SNAPC4: variants seen among roughly 807,000 people sequenced by gnomAD.
The protein encoded by SNAPC4 is small nuclear RNA activating complex polypeptide 4, also known as snRNA-activating protein complex subunit 4.
SNAPC4 carries 127 observed loss-of-function variants against 151.3 expected under a neutral mutation model. The ratio of observed to expected loss-of-function variants is 0.84; its 90% CI spans 0.73 to 0.97. The LOEUF (loss-of-function observed/expected upper bound fraction) is 0.97. Ranked by LOEUF, SNAPC4 falls within the 50% of genes least tolerant of loss-of-function variation. The pLI, the probability that SNAPC4 is intolerant of heterozygous loss-of-function variation, is 0.00. For synonymous variants in SNAPC4, 1,002 were observed against 824.4 expected, an observed-to-expected ratio of 1.22 and a Z score of -3.69; for missense variants, 2,186 against 1,935.0, an observed-to-expected ratio of 1.13 and a Z score of -2.43.
intron 22 of SNAPC4, 47 bp downstream of exon 22, chr9:136,377,496 G>A: frequency 1.3e-6 from 2 of 1,496,212 alleles, no homozygotes; most frequent in Non-Finnish European, 1.8e-6. Flanking sequence ...GGGCACCCCA[G>A]GGACCGCCGC....
chr9:136,389,544 C>CG (rs144724539), intron 10 of SNAPC4, among the ~76,000 whole-genome samples: 10,117 of 152,186 alleles, frequency 0.066, 418 homozygotes, highest in Middle Eastern at 0.11. Flanking sequence ...ACCACCACCC[C>CG]GGGGTGTGCA....
At position 136,379,856 on chromosome 9, in the gene SNAPC4, TGAG is replaced by T; in HGVS notation, c.2505_2507del (p.Ser837del). On this transcript the variant is annotated inframe_deletion, in exon 21 of 24. Transcript: ENST00000684778. ...AGTTACCTGGGGTGCTCTGGGCACT[TGAG>T]GATGCCTGGAAATGAAAGAGAGGAG... 1 of 1,613,120 alleles carries T rather than the reference TGAG, an allele frequency of 6.2e-7. No homozygotes were observed. Among genetic ancestry groups the T allele is most frequent in the East Asian group, 2.2e-5 (1 of 44,858 alleles).
Position 136,383,341 on chromosome 9 carries a change from C to T in SNAPC4, c.1828G>A (p.Gly610Ser), listed in dbSNP as rs201030657. The T allele has an allele frequency of 2.2e-4, 355 of 1,609,740 alleles. 2 individuals are homozygous for T. In the East Asian group the frequency reaches 4.4e-3, roughly 20 times the overall value. ...PPKGSSASQG[G>S]SKEASTTAAA... ...GCTGTGGTGGAAGCTTCCTTGCTGC[C>T]GCCCTGGCTGGCACTGGACCCCTTG... The change falls in exon 16 of 24, where the codon GGC (glycine) becomes AGC (serine). Residue 610 changes from glycine (G) to serine (S), a missense_variant. Coordinates refer to ENST00000684778, the MANE Select transcript of SNAPC4 (RefSeq NM_003086.4). The surrounding 1 kb of genome is among the most constrained non-coding windows in gnomAD (Gnocchi z 4.2).
Position 136,394,209 on chromosome 9 carries a change from C to T in SNAPC4, c.632+40G>A, listed in dbSNP as rs748371196. The T allele has an allele frequency of 3.3e-6, 5 of 1,526,772 alleles. No individual in the cohort carries two copies. The African/African-American group carries it at 6.8e-5, about 21-fold the overall frequency. The allele number at this position is 1,526,772 out of a possible 1,614,324, so 94.6% of individuals were successfully genotyped here. A position where few individuals can be genotyped will look rare whatever the true frequency, so the allele number is the denominator to read the frequency against. ...GGATTCCAGGCATGAGCCCTATGCC[C>T]AGCCTGAAGACCGTTTTTGACTTAT... On this transcript the variant is annotated intron_variant, in intron 7 of 23. Coordinates refer to ENST00000684778, the MANE Select transcript of SNAPC4 (RefSeq NM_003086.4).
chr9:136,387,082 G>A (rs936704008), intron 13 of SNAPC4, among the ~76,000 whole-genome samples: 2 of 152,392 alleles, frequency 1.3e-5, no homozygotes, highest in Admixed American at 1.3e-4. Context: ...ATCGCATGGT[G>A]TGTGAATTAT....
rs554164020 is a variant in SNAPC4 at position 136,392,627 on chromosome 9, C to T, written c.738-33G>A. ...AAGGGATGAGGGTATTGGCACCACGCCTGGCTTGTGGGCTCCCCTGGGCCC... is the reference window on the plus strand; with the variant it reads ...AAGGGATGAGGGTATTGGCACCACGTCTGGCTTGTGGGCTCCCCTGGGCCC... On this transcript the variant is annotated intron_variant, in intron 8 of 23. Transcript: ENST00000684778. 3.7e-5 allele frequency: 60 copies of T among 1,613,684 alleles called. 1 individual carries two copies. The South Asian group carries it at 5.9e-4, about 16-fold the overall frequency.
At position 136,377,633 on chromosome 9, in the gene SNAPC4, A is replaced by G. The variant is rs1370090927; in HGVS notation, c.4194T>C (p.Ser1398=). The G allele has an allele frequency of 6.3e-7, 1 of 1,582,256 alleles. No homozygotes were observed. The highest frequency in any genetic ancestry group is 1.7e-4 in the Middle Eastern group (1 of 5,902). The part of the protein sequence containing the change: ...TTLSVPSRVG[S]ESEDEDLLSE... ...TCAGGAGGTCTTCATCCTCACTCTC[A>G]GAGCCCACCCTCGAAGGTACTGAGA... is the stretch of plus-strand genomic sequence containing the variant. The change falls in exon 22 of 24, where the codon TCT becomes TCC. Residue 1398 remains serine, a synonymous_variant. Transcript: ENST00000684778.
chr9:136,383,061 G>A lies in SNAPC4; in HGVS notation c.1983+125C>T. The A allele has an allele frequency of 2.9e-6, 4 of 1,400,200 alleles. No homozygotes were observed. Among genetic ancestry groups the A allele is most frequent in the Non-Finnish European group, 3.7e-6 (4 of 1,070,026 alleles). 86.7% of individuals were successfully genotyped at this position (1,400,200 alleles called of 1,614,324 possible). A position where few individuals can be genotyped will look rare whatever the true frequency, so the allele number is the denominator to read the frequency against. On this transcript the variant is annotated intron_variant, in intron 16 of 23. Coordinates refer to ENST00000684778, the MANE Select transcript of SNAPC4 (RefSeq NM_003086.4). The surrounding 1 kb of genome is among the most constrained non-coding windows in gnomAD (Gnocchi z 4.2). ...CGCACAGCTGTCCAGAGCTCAGCCA[G>A]AAGTAGCACGTTCTGATGCACACGA...
In SNAPC4 at chr9:136,383,063, A is replaced by T. The variant is rs1833755953; in HGVS notation, c.1983+123T>A. On this transcript the variant is annotated intron_variant, in intron 16 of 23. Transcript: ENST00000684778. The surrounding 1 kb of genome is among the most constrained non-coding windows in gnomAD (Gnocchi z 4.2). The stretch of plus-strand genomic sequence containing the variant: ...CACAGCTGTCCAGAGCTCAGCCAGA[A>T]GTAGCACGTTCTGATGCACACGAAC... 7.1e-7 allele frequency: 1 copy of T among 1,404,188 alleles called. No individual in the cohort carries two copies. The highest frequency in any genetic ancestry group is 9.3e-7 in the Non-Finnish European group (1 of 1,073,488). The allele number at this position is 1,404,188 out of a possible 1,614,324, so 87.0% of individuals were successfully genotyped here. A position where few individuals can be genotyped will look rare whatever the true frequency, so the allele number is the denominator to read the frequency against.
At position 136,392,746 on chromosome 9, in the gene SNAPC4, C is replaced by T; in HGVS notation, c.664G>A (p.Val222Ile). The change falls in exon 8 of 24, where the codon GTC becomes ATC. Residue 222 changes from valine to isoleucine, a missense_variant. Val to Ile is a conservative substitution (Grantham distance 29). Transcript: ENST00000684778. ...LEYLHQKQSK[V>I]SSELERQALE... is the part of the protein sequence containing the mutation. The stretch of plus-strand genomic sequence containing the variant: ...GCTTGCCTCTCCAGCTCACTGGAGA[C>T]TTTGCTCTGCTTCTGGTGCAAGTAC... 2 of 1,613,610 alleles carry T rather than the reference C, an allele frequency of 1.2e-6. No homozygotes were observed. The highest frequency in any genetic ancestry group is 8.5e-7 in the Non-Finnish European group (1 of 1,180,020).
In SNAPC4 at chr9:136,378,175, G is replaced by GC. The variant is rs1833536366; in HGVS notation, c.3651dup (p.Pro1218AlafsTer31). On this transcript the variant is annotated frameshift_variant, in exon 22 of 24. Transcript: ENST00000684778. LOFTEE classifies it high-confidence loss of function. ...GAGGGGGACCCCGGCGTCCCCCTTG[G>GC]CTCAGTTGCTGGGATGACACCACCG... 6.2e-7 allele frequency: 1 copy of GC among 1,611,674 alleles called. No homozygotes were observed. Among genetic ancestry groups the GC allele is most frequent in the African/African-American group, 1.3e-5 (1 of 74,930 alleles).
At chr9:136,392,378 A>C in intron 9 of SNAPC4, 144 bp downstream of exon 9, 1 of 876,182 alleles carries the variant, frequency 1.1e-6, no homozygotes, top group Non-Finnish European at 1.9e-6. Context: ...ACTGTGGGAC[A>C]TGTGCTTGAC....
chr9:136,380,473 C>G (rs1375650937), intron 20 of SNAPC4, among the ~76,000 whole-genome samples: 1 of 152,224 alleles, frequency 6.6e-6, no homozygotes, highest in South Asian at 2.1e-4. Flanking sequence ...AACCAGGCAT[C>G]CCCGGCAGAC....
Position 136,392,755 on chromosome 9 carries a change from G to A in SNAPC4, c.655C>T (p.Gln219Ter). Reference protein sequence around the residue: ...LLKLEYLHQKQSKVSSELERQ... With the variant: ...LLKLEYLHQK ...TCCAGCTCACTGGAGACTTTGCTCT[G>A]CTTCTGGTGCAAGTACTCGAGCCTG... The change falls in exon 8 of 24, where the codon CAG becomes TAG. Residue 219 changes from glutamine (Q) to a stop codon, truncating the protein, a stop_gained. Coordinates refer to ENST00000684778, the MANE Select transcript of SNAPC4 (RefSeq NM_003086.4). LOFTEE classifies it high-confidence loss of function. 1 of 1,613,510 alleles carries A rather than the reference G, an allele frequency of 6.2e-7. No individual in the cohort carries two copies. The highest frequency in any genetic ancestry group is 8.5e-7 in the Non-Finnish European group (1 of 1,180,004).
chr9:136,383,323 T>G lies in SNAPC4; in HGVS notation c.1846A>C (p.Thr616Pro), dbSNP rs1209841932. 1 of 1,611,472 alleles carries G rather than the reference T, an allele frequency of 6.2e-7. No homozygotes were observed. The highest frequency in any genetic ancestry group is 8.5e-7 in the Non-Finnish European group (1 of 1,179,454). The change falls in exon 16 of 24, where the codon ACC (threonine) becomes CCC (proline). Residue 616 changes from threonine to proline, a missense_variant. By Grantham distance (38) the Thr-to-Pro change is conservative (BLOSUM62 -1). Transcript: ENST00000684778. The surrounding 1 kb of genome is among the most constrained non-coding windows in gnomAD (Gnocchi z 4.2). The stretch of plus-strand genomic sequence containing the variant: ...TCCTCTCCAGGAGCCGCGGCTGTGG[T>G]GGAAGCTTCCTTGCTGCCGCCCTGG... ...ASQGGSKEASTTAAAPGEETS... is the reference protein window; with the variant it reads ...ASQGGSKEASPTAAAPGEETS...
chr9:136,387,404 G>T, intron 13 of SNAPC4, 81 bp downstream of exon 13: 1 of 973,010 alleles, frequency 1.0e-6, no homozygotes, highest in Non-Finnish European at 1.6e-6. Context: ...CTGTCCCCCA[G>T]CCCGCCCACA....
intron 3 of SNAPC4, 138 bp downstream of exon 3, chr9:136,396,839 T>C (rs1217521154): frequency 4.0e-6 from 3 of 753,120 alleles, no homozygotes; most frequent in South Asian, 1.5e-5. Context: ...TGCTTTTTAA[T>C]TTTTTTATAA....
At position 136,387,735 on chromosome 9, in the gene SNAPC4, C is replaced by A. The variant is rs1833937896; in HGVS notation, c.1230+7G>T. 1.3e-6 allele frequency: 2 copies of A among 1,577,212 alleles called. No individual in the cohort carries two copies. The highest frequency in any genetic ancestry group is 2.7e-5 in the African/African-American group (2 of 74,234). On this transcript the variant is annotated splice_region_variant and intron_variant, in intron 12 of 23. Transcript: ENST00000684778. ...AGCCCAGTTCTCCTAGGGTCCCGCA[C>A]ACTTACAGCATCTTCCTCCGGGGCC...
intron 23 of SNAPC4, 104 bp downstream of exon 23, chr9:136,376,245 G>T: frequency 1.4e-6 from 2 of 1,390,510 alleles, no homozygotes; most frequent in Non-Finnish European, 2.0e-6. Flanking sequence ...CAGCACACCT[G>T]CTGTGAGCGC....
Sources: allele counts gnomAD v4.1 joint callset (sites outside exome capture counted in the v4.1 genomes callset), GRCh38; gene constraint gnomAD v4.1.1; non-coding constraint Gnocchi (gnomAD v3.1); transcripts MANE v1.5; gene names NCBI Gene and HGNC (gene_info 2026-07-23, HGNC 2026-07-21).